Variants in LINGO1 observed in about 807,000 individuals in gnomAD.
LINGO1 encodes the protein leucine rich repeat and Ig domain containing 1, also known as leucine-rich repeat and immunoglobulin-like domain-containing nogo receptor-interacting protein 1.
Under a neutral mutation model 37.3 loss-of-function variants are expected in LINGO1, and 11 were observed. That is an observed-to-expected ratio of 0.29 (90% CI 0.19 to 0.49). The LOEUF (loss-of-function observed/expected upper bound fraction) is 0.49, where lower values mean the gene tolerates loss of function less well. Among genes scored for constraint, LINGO1 ranks in the 20% least tolerant of loss-of-function variants. The pLI, the probability that LINGO1 is intolerant of heterozygous loss-of-function variation, is 0.99. For synonymous variants in LINGO1, 387 were observed against 403.0 expected (o/e 0.96, Z 0.48); for missense variants, 585 against 878.2 (o/e 0.67, Z 4.22).
intron 2 of LINGO1, among the ~76,000 whole-genome samples, chr15:77,712,848 C>G (rs2075935815): frequency 1.3e-5 from 2 of 152,224 alleles, no homozygotes; most frequent in African/African-American, 4.8e-5. Context: ...AATGGCTCCA[C>G]TTGGACTCTG....
rs559823506 is a variant in LINGO1 at position 77,674,212 on chromosome 15, T to A, written c.-13+2877A>T. ...CCACCTCATCCAATCTGTCAGCAAA[T>A]CCTATTGGCTCTACCTTGAGCATAC... On this transcript the variant is annotated intron_variant, in intron 3 of 3. Coordinates refer to the LINGO1 transcript ENST00000559893. Among the ~76,000 whole-genome samples, 314 of 152,124 alleles carry A rather than the reference T, an allele frequency of 2.1e-3. 1 individual carries two copies. The highest frequency in any genetic ancestry group is 3.4e-3 in the Non-Finnish European group (228 of 67,990).
At chr15:77,704,317 A>G (rs1019982789) in intron 2 of LINGO1, among the ~76,000 whole-genome samples, 1 of 152,204 alleles carries the variant, frequency 6.6e-6, no homozygotes, top group Non-Finnish European at 1.5e-5. Flanking sequence ...GAGGCTACAC[A>G]TAGAGCACTA....
rs34476518 is a variant in LINGO1 at position 77,668,792 on chromosome 15, TACACACACAC to T, written c.-13+8287_-13+8296del. 7.6e-4 allele frequency among the ~76,000 whole-genome samples: 102 copies of T among 134,892 alleles called. 1 individual carries two copies. The highest frequency in any genetic ancestry group is 3.2e-3 in the South Asian group (12 of 3,776). The allele number at this position is 134,892 out of a possible 152,430, so 88.5% of individuals were successfully genotyped here. A position where few individuals can be genotyped will look rare whatever the true frequency, so the allele number is the denominator to read the frequency against. ...CTGCCCTGGGGAGCTCACAGGGGAATACACACACACACACACACACACACACACACACACA... is the reference window on the plus strand; with the variant it reads ...CTGCCCTGGGGAGCTCACAGGGGAATACACACACACACACACACACACACA... On this transcript the variant is annotated intron_variant, in intron 3 of 3. Transcript: ENST00000559893.
At chr15:77,736,364 C>T (rs2076203934) in intron 1 of LINGO1, among the ~76,000 whole-genome samples, 1 of 152,214 alleles carries the variant, frequency 6.6e-6, no homozygotes, top group South Asian at 2.1e-4. Flanking sequence ...CACTGAGCAC[C>T]TACTGTGTGC....
rs1180875809 is a variant in LINGO1, at chr15:77,794,571, CATAT to C, written c.-343+1364_-343+1367del. On this transcript the variant is annotated intron_variant, in intron 2 of 5. Transcript: ENST00000562933. ...ATATATGTGTATATATACACACACA[CATAT>C]ATATATATATATATATTTTTTTTTT... 3.8e-3 allele frequency among the ~76,000 whole-genome samples: 164 copies of C among 43,324 alleles called. 13 individuals are homozygous for C. The highest frequency in any genetic ancestry group is 0.01 in the African/African-American group (145 of 13,946). The allele number at this position is 43,324 out of a possible 152,430, so 28.4% of individuals were successfully genotyped here.
At chr15:77,664,170 T>TGTGTGTGTGTGTGTGTGCGCGC in intron 3 of LINGO1, among the ~76,000 whole-genome samples, 67 of 130,998 alleles carry the variant, frequency 5.1e-4, no homozygotes, top group African/African-American at 2.3e-3. Flanking sequence ...TGTGTGTGTG[T>TGTGTGTGTGTGTGTGTGCGCGC]GCGCGCGCGC....
intron 2 of LINGO1, among the ~76,000 whole-genome samples, chr15:77,720,121 C>T (rs1430439431): frequency 5.3e-5 from 8 of 149,882 alleles, no homozygotes; most frequent in Non-Finnish European, 1.2e-4. Flanking sequence ...CACCAAGGAC[C>T]CCTGCTCCTA....
intron 2 of LINGO1, among the ~76,000 whole-genome samples, chr15:77,792,113 C>G (rs1229563779): frequency 6.6e-6 from 1 of 152,142 alleles, no homozygotes; most frequent in African/African-American, 2.4e-5. Context: ...CCTCATGATG[C>G]CGGCACCTCA....
chr15:77,715,479 C>A (rs774390760), intron 2 of LINGO1, among the ~76,000 whole-genome samples: 30 of 152,222 alleles, frequency 2.0e-4, no homozygotes, highest in Non-Finnish European at 3.7e-4. Context: ...GAGTCTCCAG[C>A]CCTGTGATGC....
In LINGO1 at chr15:77,807,601, C is replaced by T. The variant is rs144434699; in HGVS notation, c.-457-11548G>A. 8.9e-4 allele frequency among the ~76,000 whole-genome samples: 135 copies of T among 152,280 alleles called. 3 individuals are homozygous for T. The East Asian group carries it at 0.021, about 23-fold the overall frequency. The stretch of plus-strand genomic sequence containing the variant: ...TGCCTCCCTGCACACGTCTCTTCTA[C>T]TCCATTTCTCTCCCAGGACCACAGC... On this transcript the variant is annotated intron_variant, in intron 1 of 5. Coordinates refer to the LINGO1 transcript ENST00000562933.
intron 1 of LINGO1, among the ~76,000 whole-genome samples, chr15:77,817,758 T>C (rs892979368): frequency 6.6e-6 from 1 of 152,182 alleles, no homozygotes; most frequent in African/African-American, 2.4e-5. Flanking sequence ...GGTCAGCGGA[T>C]ACCCTCGCAG....
At chr15:77,776,530 G>GGAAGGCAGGAAGGCAGGA (rs2076653137) in intron 1 of LINGO1, among the ~76,000 whole-genome samples, 14 of 34,532 alleles carry the variant, frequency 4.1e-4, no homozygotes, top group East Asian at 1.4e-3. Context: ...GGGAGGAAGG[G>GGAAGGCAGGAAGGCAGGA]AGGGAGGGAG....
At chr15:77,726,796 G>C (rs1018899556) in intron 2 of LINGO1, among the ~76,000 whole-genome samples, 2 of 152,232 alleles carry the variant, frequency 1.3e-5, no homozygotes, top group African/African-American at 4.8e-5. Context: ...GCAATCAACA[G>C]AGTGGAAAAG....
intron 1 of LINGO1, chr15:77,735,172 A>G (rs2076191835): frequency 6.6e-6 from 1 of 152,240 alleles, no homozygotes; most frequent in South Asian, 2.1e-4. Flanking sequence ...GTACTGGGCC[A>G]GATAGAGCAG....
At chr15:77,778,481 C>A (rs1216751569) in intron 1 of LINGO1, among the ~76,000 whole-genome samples, 1 of 152,226 alleles carries the variant, frequency 6.6e-6, no homozygotes, top group African/African-American at 2.4e-5. Context: ...TCAAACTTCA[C>A]ATGACCACAG....
At chr15:77,737,170 G>T (rs2076211615) in intron 1 of LINGO1, among the ~76,000 whole-genome samples, 1 of 152,218 alleles carries the variant, frequency 6.6e-6, no homozygotes, top group Non-Finnish European at 1.5e-5. Context: ...GATACTTGCT[G>T]CCAAGTTGAC....
intron 3 of LINGO1, chr15:77,642,053 T>C (rs1023398885): frequency 4.7e-5 from 21 of 450,716 alleles, no homozygotes; most frequent in Non-Finnish European, 9.0e-5. Flanking sequence ...TCTAAGAGCA[T>C]ATGCGTGTGA....
rs1230296738 is a variant in LINGO1, at chr15:77,716,615, T to C, written c.-195+18377A>G. Among the ~76,000 whole-genome samples the C allele has an allele frequency of 1.3e-5, 2 of 149,906 alleles. 1 individual carries two copies. Among genetic ancestry groups the C allele is most frequent in the Non-Finnish European group, 3.0e-5 (2 of 67,326 alleles). ...CAGACTCAGGCATACACAACATGAG[T>C]GAAGAGCCATCTACTACCAGTTCAT... On this transcript the variant is annotated intron_variant, in intron 2 of 3. Coordinates refer to the LINGO1 transcript ENST00000561686.
chr15:77,639,467 C>T (rs2074456413), intron 3 of LINGO1, among the ~76,000 whole-genome samples: 2 of 151,796 alleles, frequency 1.3e-5, no homozygotes, highest in African/African-American at 4.8e-5. Flanking sequence ...GGTGGAAAGA[C>T]GCACACCCTA....
Sources: gnomAD v4.1 joint callset for allele counts (sites outside exome capture counted in the v4.1 genomes callset) on GRCh38, gnomAD v4.1.1 for gene constraint, MANE v1.5 for transcripts, NCBI Gene and HGNC (gene_info 2026-07-23, HGNC 2026-07-21) for gene names.